Variants in ERO1B observed in about 807,000 individuals in gnomAD.
ERO1B encodes ERO1-like protein beta.
In ERO1B, 49 loss-of-function variants were observed where a neutral mutation model predicts 75.3. The ratio of observed to expected loss-of-function variants is 0.65; its 90% CI spans 0.52 to 0.83. ERO1B has a LOEUF of 0.83. Among genes scored for constraint, ERO1B ranks in the 40% least tolerant of loss-of-function variants. The probability of loss-of-function intolerance (pLI) is 0.00; values close to 1 mark genes in which losing one functional copy is unlikely to be tolerated. For synonymous variants in ERO1B, 191 were observed against 192.9 expected, an observed-to-expected ratio of 0.99 and a Z score of 0.08; for missense variants, 512 against 560.1, an observed-to-expected ratio of 0.91 and a Z score of 0.87.
At chr1:236,267,623 A>C (rs1200691329) in intron 2 of ERO1B, among the ~76,000 whole-genome samples, 2 of 152,248 alleles carry the variant, frequency 1.3e-5, no homozygotes, top group African/African-American at 4.8e-5. Context: ...ACATTGAGCA[A>C]TATGAAACTG....
intron 1 of ERO1B, among the ~76,000 whole-genome samples, chr1:236,277,109 C>G (rs1665724750): frequency 6.6e-6 from 1 of 152,112 alleles, no homozygotes. Flanking sequence ...TACAGCAATA[C>G]AAGAATGGAC....
chr1:236,239,839 A>ATATATATATATGTGTATATATATG, intron 6 of ERO1B, among the ~76,000 whole-genome samples: 1 of 114,354 alleles, frequency 8.7e-6, no homozygotes, highest in African/African-American at 3.5e-5. Context: ...ATATATGTGT[A>ATATATATATATGTGTATATATATG]TATATATATG....
intron 1 of ERO1B, 114 bp from the exon 2 acceptor site, chr1:236,270,108 T>G: frequency 1.3e-6 from 1 of 753,508 alleles, no homozygotes; most frequent in Non-Finnish European, 2.1e-6. Flanking sequence ...ACTTGCTGAT[T>G]AAGATATAAC....
intron 6 of ERO1B, among the ~76,000 whole-genome samples, chr1:236,237,783 G>C (rs1338861862): frequency 6.6e-6 from 1 of 152,040 alleles, no homozygotes; most frequent in African/African-American, 2.4e-5. Flanking sequence ...CCACAGACTG[G>C]GATTATCCAT....
rs1403409533 is a variant in ERO1B at position 236,239,912 on chromosome 1, T to TA, written c.505+3509_505+3510insT. On this transcript the variant is annotated intron_variant, in intron 6 of 15. Coordinates refer to ENST00000354619, the MANE Select transcript of ERO1B (RefSeq NM_019891.4). ...GTGTGTATATATATATATATATATA[T>TA]TTTTTTTTTTTGCGATGAGGCTGAC... 4.2e-3 allele frequency among the ~76,000 whole-genome samples: 507 copies of TA among 120,938 alleles called. 14 individuals carry two copies. Among genetic ancestry groups the TA allele is most frequent in the African/African-American group, 0.015 (449 of 29,332 alleles). The allele number at this position is 120,938 out of a possible 152,430, so 79.3% of individuals were successfully genotyped here. A position where few individuals can be genotyped will look rare whatever the true frequency, so the allele number is the denominator to read the frequency against.
chr1:236,247,614 A>G (rs1158219754), intron 5 of ERO1B, among the ~76,000 whole-genome samples: 1 of 151,636 alleles, frequency 6.6e-6, no homozygotes, highest in African/African-American at 2.4e-5. Context: ...TCTGTTCAAA[A>G]CCTCCCTGTG....
At chr1:236,225,225 A>C in intron 12 of ERO1B, 86 bp from the exon 13 acceptor site, 1 of 1,266,752 alleles carries the variant, frequency 7.9e-7, no homozygotes, top group Non-Finnish European at 1.1e-6. Context: ...TTCTATCCTT[A>C]TGAATATTTA....
At chr1:236,220,795 G>T in intron 15 of ERO1B, 37 bp downstream of exon 15, 2 of 1,494,704 alleles carry the variant, frequency 1.3e-6, no homozygotes, top group South Asian at 3.0e-5. Flanking sequence ...GAAACCCAAT[G>T]GGAAATCAAA....
chr1:236,273,887 T>A (rs1391707176), intron 1 of ERO1B, among the ~76,000 whole-genome samples: 1 of 151,704 alleles, frequency 6.6e-6, no homozygotes, highest in East Asian at 1.9e-4. Flanking sequence ...TATGTTCAGC[T>A]TTTTCAGGAA....
At chr1:236,233,125 C>T (rs1406719327) in intron 8 of ERO1B, among the ~76,000 whole-genome samples, 1 of 151,608 alleles carries the variant, frequency 6.6e-6, no homozygotes, top group Non-Finnish European at 1.5e-5. Flanking sequence ...GCCTGGCCAA[C>T]ATGTGAAACC....
chr1:236,279,688 C>A (rs1665787046), intron 1 of ERO1B, among the ~76,000 whole-genome samples: 2 of 147,586 alleles, frequency 1.4e-5, no homozygotes, highest in Non-Finnish European at 3.0e-5. Flanking sequence ...AAAACACACA[C>A]ACAAAAATTA....
rs1459396062 is a variant in ERO1B at position 236,245,314 on chromosome 1, A to G, written c.432-1819T>C. 9.2e-3 allele frequency among the ~76,000 whole-genome samples: 173 copies of G among 18,758 alleles called. 17 individuals are homozygous for G. The East Asian group carries it at 0.26, about 28-fold the overall frequency. 12.3% of individuals were successfully genotyped at this position (18,758 alleles called of 152,430 possible). ...CCAGTCAAAATATATATATATATAT[A>G]TATATATACACACACGTATATATAT... is the stretch of plus-strand genomic sequence containing the variant. On this transcript the variant is annotated intron_variant, in intron 5 of 15. Coordinates refer to ENST00000354619, the MANE Select transcript of ERO1B (RefSeq NM_019891.4).
chr1:236,269,290 A>C (rs1665536709), intron 2 of ERO1B, among the ~76,000 whole-genome samples: 1 of 152,270 alleles, frequency 6.6e-6, no homozygotes, highest in Admixed American at 6.5e-5. Flanking sequence ...TCTAAAATTT[A>C]AAACACTGTT....
At chr1:236,248,455 C>T (rs552948215) in intron 5 of ERO1B, among the ~76,000 whole-genome samples, 14 of 152,048 alleles carry the variant, frequency 9.2e-5, no homozygotes, top group Non-Finnish European at 1.6e-4. Context: ...TTTGGGAATG[C>T]TCAAGGTGGC....
chr1:236,270,557 T>C (rs1163116654), intron 1 of ERO1B, among the ~76,000 whole-genome samples: 1 of 152,158 alleles, frequency 6.6e-6, no homozygotes, highest in Non-Finnish European at 1.5e-5. Flanking sequence ...TATCAGACTT[T>C]AAAATCAATG....
chr1:236,225,980 TAGAA>T (rs1477548203), intron 12 of ERO1B, among the ~76,000 whole-genome samples: 3 of 152,166 alleles, frequency 2.0e-5, no homozygotes, highest in Non-Finnish European at 4.4e-5. Context: ...ACAAAATTGG[TAGAA>T]AGACCATTAA....
chr1:236,243,466 C>T lies in ERO1B; in HGVS notation c.461G>A (p.Trp154Ter). The T allele has an allele frequency of 1.2e-6, 2 of 1,604,650 alleles. No homozygotes were observed. Among genetic ancestry groups the T allele is most frequent in the Middle Eastern group, 1.8e-4 (1 of 5,666 alleles). Residue 154 changes from tryptophan (W) to a stop codon, truncating the protein, a stop_gained, in exon 6 of 16, where the codon TGG (tryptophan) becomes TAG (stop). Transcript: ENST00000354619. LOFTEE classifies it high-confidence loss of function. Reference protein sequence around the residue: ...SNQSKEAFIDWARYDDSRDHF... With the variant: ...SNQSKEAFID ...ATCCCGTGAATCATCATATCTTGCC[C>T]AGTCAATGAAAGCTTCTTTGCTTTG...
rs1290327879 is a variant in ERO1B at position 236,215,906 on chromosome 1, A to G, written c.*2610T>C. The stretch of plus-strand genomic sequence containing the variant: ...CATAGGCAAAGTTGAAAAACATGGC[A>G]GAGTTTCATATACATACAGAGATTA... On this transcript the variant is annotated 3_prime_UTR_variant, in exon 16 of 16. Transcript: ENST00000354619. 1 of 142,308 alleles carries G rather than the reference A, an allele frequency of 7.0e-6. No homozygotes were observed. The highest frequency in any genetic ancestry group is 1.6e-5 in the Non-Finnish European group (1 of 64,350). The allele number at this position is 142,308 out of a possible 1,614,324, so 8.8% of individuals were successfully genotyped here. A position where few individuals can be genotyped will look rare whatever the true frequency, so the allele number is the denominator to read the frequency against.
chr1:236,222,019 C>A lies in ERO1B; in HGVS notation c.1123-9G>T. The stretch of plus-strand genomic sequence containing the variant: ...TGTAATCGGAATTCCTCCTAGCAAG[C>A]AGAAAATATTTTCAGTCTAATTAGA... On this transcript the variant is annotated splice_polypyrimidine_tract_variant and intron_variant, in intron 13 of 15. Transcript: ENST00000354619. 1.2e-6 allele frequency: 2 copies of A among 1,607,450 alleles called. No individual in the cohort carries two copies. The highest frequency in any genetic ancestry group is 1.7e-6 in the Non-Finnish European group (2 of 1,174,270).
Sources: allele counts gnomAD v4.1 joint callset (sites outside exome capture counted in the v4.1 genomes callset), GRCh38; gene constraint gnomAD v4.1.1; transcripts MANE v1.5; gene names NCBI Gene and HGNC (gene_info 2026-07-23, HGNC 2026-07-21).